The following DLGAP2 variants were observed in gnomAD, a reference collection of about 807,000 sequenced individuals.
The protein encoded by DLGAP2 is DLG associated protein 2.
Under a neutral mutation model 100.3 loss-of-function variants are expected in DLGAP2, and 26 were observed. That is an observed-to-expected ratio of 0.26 (90% CI 0.19 to 0.36). The LOEUF is 0.36. Ranked by LOEUF, DLGAP2 falls within the 10% of genes least tolerant of loss-of-function variation. The probability of loss-of-function intolerance (pLI) is 1.00; values close to 1 mark genes in which losing one functional copy is unlikely to be tolerated. For synonymous variants in DLGAP2, 886 were observed against 630.1 expected, an observed-to-expected ratio of 1.41 and a Z score of -6.08; for missense variants, 1,858 against 1,453.2, an observed-to-expected ratio of 1.28 and a Z score of -4.53.
chr8:1,311,395 A>G (rs1800610729), intron 3 of DLGAP2, among the ~76,000 whole-genome samples: 1 of 152,252 alleles, frequency 6.6e-6, no homozygotes, highest in Non-Finnish European at 1.5e-5. Context: ...CCAAAAAAAT[A>G]GAAGTGGAGG....
At chr8:1,012,521 C>T (rs1457425593) in intron 2 of DLGAP2, among the ~76,000 whole-genome samples, 9 of 147,578 alleles carry the variant, frequency 6.1e-5, no homozygotes, top group African/African-American at 1.5e-4. Context: ...GTGTGGACAA[C>T]GTCCGACCAG....
chr8:845,880 T>C (rs1247960388), intron 1 of DLGAP2, among the ~76,000 whole-genome samples: 1 of 152,264 alleles, frequency 6.6e-6, no homozygotes, highest in East Asian at 1.9e-4. Flanking sequence ...GGCATTTGGC[T>C]GTCCAGCTTT....
chr8:932,127 G>C (rs1206605455), intron 2 of DLGAP2, among the ~76,000 whole-genome samples: 2 of 152,220 alleles, frequency 1.3e-5, no homozygotes, highest in Non-Finnish European at 2.9e-5. Context: ...GGAAGAGCAA[G>C]TGTCTGATGT....
At chr8:1,329,858 T>G (rs998017657) in intron 3 of DLGAP2, among the ~76,000 whole-genome samples, 1 of 152,196 alleles carries the variant, frequency 6.6e-6, no homozygotes, top group Admixed American at 6.5e-5. Context: ...CTAGGATATT[T>G]CAGAACCTTG....
chr8:1,311,554 C>A (rs1327875542), intron 3 of DLGAP2, among the ~76,000 whole-genome samples: 6 of 152,132 alleles, frequency 3.9e-5, no homozygotes, highest in Non-Finnish European at 8.8e-5. Context: ...CTTAATCCAA[C>A]AGTGTATTAA....
chr8:1,434,990 A>C (rs1797573106), intron 3 of DLGAP2, among the ~76,000 whole-genome samples: 1 of 152,094 alleles, frequency 6.6e-6, no homozygotes, highest in South Asian at 2.1e-4. Flanking sequence ...GATGTACAAC[A>C]TTCAGTACTC....
At chr8:1,034,590 C>T (rs1408585445) in intron 2 of DLGAP2, among the ~76,000 whole-genome samples, 2 of 80,962 alleles carry the variant, frequency 2.5e-5, no homozygotes, top group Non-Finnish European at 4.9e-5. Flanking sequence ...CGCGTGTCAC[C>T]GCGAGTGGGT....
Position 987,233 on chromosome 8 carries a change from T to A in DLGAP2, c.73+79267T>A, listed in dbSNP as rs1800514196. Among the ~76,000 whole-genome samples, 6 of 152,016 alleles carry A rather than the reference T, an allele frequency of 3.9e-5. No individual in the cohort carries two copies. In the South Asian group the frequency reaches 1.2e-3, roughly 32 times the overall value. ...GTGCCCTGGCCGGGGTCGCCTGAGA[T>A]CAGGAAGCCTGGGCAGAGATGGTCA... On this transcript the variant is annotated intron_variant, in intron 2 of 14. Transcript: ENST00000637795.
intron 2 of DLGAP2, among the ~76,000 whole-genome samples, chr8:1,199,944 C>CCA (rs371878557): frequency 2.6e-5 from 4 of 151,956 alleles, no homozygotes; most frequent in African/African-American, 9.7e-5. Context: ...GATTCCCCCC[C>CCA]ACAACCCCCC....
At chr8:1,277,739 C>T (rs748679971) in intron 3 of DLGAP2, among the ~76,000 whole-genome samples, 15 of 152,166 alleles carry the variant, frequency 9.9e-5, no homozygotes, top group African/African-American at 1.9e-4. Context: ...AGCATACCCA[C>T]GTCAGGGAGC....
chr8:778,058 C>CTTTT (rs59121348), intron 1 of DLGAP2, among the ~76,000 whole-genome samples: 151,728 of 151,948 alleles, frequency 1, 75,754 homozygotes, highest in Middle Eastern at 1. Flanking sequence ...TCTTTTTATT[C>CTTTT]TTCTCTGAAC....
intron 2 of DLGAP2, among the ~76,000 whole-genome samples, chr8:1,042,044 G>A (rs1227024010): frequency 6.6e-6 from 1 of 152,168 alleles, no homozygotes; most frequent in Non-Finnish European, 1.5e-5. Flanking sequence ...GATTTGCAGA[G>A]CAGAACGGCC....
At chr8:1,267,637 G>GAAATAAAATCAAATAAAATCAAA (rs1382093781) in intron 3 of DLGAP2, among the ~76,000 whole-genome samples, 1 of 91,980 alleles carries the variant, frequency 1.1e-5, no homozygotes, top group South Asian at 3.2e-4. Context: ...TATTAAATAG[G>GAAATAAAATCAAATAAAATCAAA]TCTACAAAAA....
chr8:983,950 T>C (rs1800415004), intron 2 of DLGAP2, among the ~76,000 whole-genome samples: 1 of 152,124 alleles, frequency 6.6e-6, no homozygotes, highest in Non-Finnish European at 1.5e-5. Flanking sequence ...GAGGTAACAT[T>C]GCTAATGCCC....
intron 2 of DLGAP2, among the ~76,000 whole-genome samples, chr8:1,173,085 G>C (rs566975168): frequency 6.6e-6 from 1 of 152,192 alleles, no homozygotes; most frequent in East Asian, 1.9e-4. Flanking sequence ...CTGTTTGTTA[G>C]TTTTCCTTCT....
intron 4 of DLGAP2, among the ~76,000 whole-genome samples, chr8:1,538,002 C>T (rs1234432796): frequency 6.6e-6 from 1 of 152,098 alleles, no homozygotes; most frequent in Non-Finnish European, 1.5e-5. Context: ...CAGAGAGCTG[C>T]TGTCCATGGT....
chr8:1,091,138 C>G (rs1804166632), intron 2 of DLGAP2, among the ~76,000 whole-genome samples: 1 of 152,184 alleles, frequency 6.6e-6, no homozygotes, highest in Non-Finnish European at 1.5e-5. Context: ...GCCAGAAGCA[C>G]ACAGCCCACC....
intron 3 of DLGAP2, among the ~76,000 whole-genome samples, chr8:1,312,272 G>A (rs1446289584): frequency 1.3e-5 from 2 of 152,226 alleles, no homozygotes; most frequent in African/African-American, 4.8e-5. Context: ...AGGTGACTTT[G>A]AGTCTGGTGA....
chr8:1,599,709 TG>T (rs1227759973), intron 6 of DLGAP2, among the ~76,000 whole-genome samples: 1 of 152,230 alleles, frequency 6.6e-6, no homozygotes, highest in African/African-American at 2.4e-5. Context: ...CTGCTTTTTT[TG>T]CTTTCCGTTT....
Sources: allele counts gnomAD v4.1 joint callset (sites outside exome capture counted in the v4.1 genomes callset), GRCh38; gene constraint gnomAD v4.1.1; transcripts MANE v1.5; gene names NCBI Gene and HGNC (gene_info 2026-07-23, HGNC 2026-07-21).